Variants in OXCT1 observed in about 807,000 individuals in gnomAD.
OXCT1 encodes the protein succinyl-CoA:3-ketoacid coenzyme A transferase 1, mitochondrial.
A neutral mutation model predicts 69.6 loss-of-function variants in OXCT1; 27 were observed. The ratio of observed to expected loss-of-function variants is 0.39; its 90% CI spans 0.29 to 0.54. OXCT1 has a LOEUF of 0.54. Among genes scored for constraint, OXCT1 ranks in the 20% least tolerant of loss-of-function variants. The pLI is 0.72. For missense variants in OXCT1, 437 were observed against 650.2 expected (o/e 0.67, Z 3.57); for synonymous variants, 202 against 217.8 (o/e 0.93, Z 0.64).
At chr5:41,760,208 T>C (rs904225365) in intron 14 of OXCT1, among the ~76,000 whole-genome samples, 4 of 152,036 alleles carry the variant, frequency 2.6e-5, no homozygotes, top group African/African-American at 9.7e-5. Context: ...ACAAGTAAAA[T>C]GTGTGAGAAG....
intron 14 of OXCT1, among the ~76,000 whole-genome samples, chr5:41,752,862 C>T (rs1294525997): frequency 1.3e-5 from 2 of 152,106 alleles, no homozygotes. Context: ...TTCTTTCCTG[C>T]ATCAGCTTCC....
chr5:41,794,159 C>T (rs1269529691), intron 12 of OXCT1, 81 bp from the exon 13 acceptor site: 3 of 933,498 alleles, frequency 3.2e-6, no homozygotes, highest in Non-Finnish European at 5.4e-6. Context: ...ATTAGAATAA[C>T]TTCATACCAC....
chr5:41,739,412 T>G lies in OXCT1; in HGVS notation c.1499A>C (p.Lys500Thr). 4 of 1,612,424 alleles carry G rather than the reference T, an allele frequency of 2.5e-6. No homozygotes were observed. The highest frequency in any genetic ancestry group is 3.4e-6 in the Non-Finnish European group (4 of 1,178,400). ...WEGLTVDDVQ[K>T]STGCDFAVSP... ...TACTGCAAAATCACACCCAGTACTC[T>G]TCTGTACGTCATCCACTGTCAGGCC... Residue 500 changes from lysine to threonine, a missense_variant, in exon 16 of 17, where the codon AAG (lysine) becomes ACG (threonine). Lys to Thr is a moderately conservative substitution (Grantham distance 78). Coordinates refer to ENST00000196371, the MANE Select transcript of OXCT1 (RefSeq NM_000436.4).
intron 13 of OXCT1, among the ~76,000 whole-genome samples, chr5:41,775,234 G>C (rs2112155358): frequency 6.6e-6 from 1 of 152,130 alleles, no homozygotes; most frequent in East Asian, 1.9e-4. Flanking sequence ...TTACAAAACT[G>C]CTCCCCATTT....
At chr5:41,850,204 A>C in intron 4 of OXCT1, 25 bp from the exon 5 acceptor site, 1 of 1,612,510 alleles carries the variant, frequency 6.2e-7, no homozygotes, top group East Asian at 2.2e-5. Flanking sequence ...CCAACACCCC[A>C]TAAGTTCACT....
intron 13 of OXCT1, among the ~76,000 whole-genome samples, chr5:41,766,476 C>A (rs908229042): frequency 6.7e-6 from 1 of 150,328 alleles, no homozygotes; most frequent in Non-Finnish European, 1.5e-5. Context: ...TTTCCTAATA[C>A]TAGAATTTTA....
At chr5:41,810,448 A>G (rs966327717) in intron 7 of OXCT1, among the ~76,000 whole-genome samples, 3 of 152,088 alleles carry the variant, frequency 2.0e-5, no homozygotes, top group Admixed American at 2.0e-4. Context: ...AGAGGTAGCT[A>G]AGAACAACCC....
chr5:41,821,402 C>A (rs1258732499), intron 7 of OXCT1, among the ~76,000 whole-genome samples: 6 of 152,198 alleles, frequency 3.9e-5, no homozygotes, highest in Admixed American at 1.3e-4. Flanking sequence ...ACATATTCTA[C>A]ATGGAAACAA....
intron 1 of OXCT1, among the ~76,000 whole-genome samples, chr5:41,864,594 C>T (rs1011168394): frequency 1.1e-4 from 17 of 152,212 alleles, no homozygotes; most frequent in Admixed American, 6.5e-5. Flanking sequence ...CTCCTAGACA[C>T]ACTTAAAAAG....
intron 1 of OXCT1, among the ~76,000 whole-genome samples, chr5:41,869,674 G>A (rs1331727055): frequency 6.6e-6 from 1 of 152,202 alleles, no homozygotes; most frequent in East Asian, 1.9e-4. Context: ...TGGCCGGCAA[G>A]ACGCCCTGGC....
intron 7 of OXCT1, among the ~76,000 whole-genome samples, chr5:41,820,649 G>T (rs548651265): frequency 1.1e-4 from 16 of 152,278 alleles, no homozygotes; most frequent in Non-Finnish European, 1.8e-4. Flanking sequence ...GGTATGGACA[G>T]TAATTAAAGA....
chr5:41,806,662 T>C (rs926199697), intron 8 of OXCT1, among the ~76,000 whole-genome samples: 3 of 152,122 alleles, frequency 2.0e-5, no homozygotes, highest in Admixed American at 2.0e-4. Flanking sequence ...CTTTTCCTTC[T>C]GCTCTGAGTA....
chr5:41,791,744 G>A (rs899874223), intron 13 of OXCT1, among the ~76,000 whole-genome samples: 2 of 152,046 alleles, frequency 1.3e-5, no homozygotes, highest in Non-Finnish European at 2.9e-5. Flanking sequence ...TTTGTTCATA[G>A]GACCCAATGC....
intron 15 of OXCT1, among the ~76,000 whole-genome samples, chr5:41,747,148 C>G (rs1743534123): frequency 6.6e-6 from 1 of 151,952 alleles, no homozygotes; most frequent in Non-Finnish European, 1.5e-5. Context: ...CTTATAAGAC[C>G]CACAGTTCTT....
chr5:41,798,145 C>T (rs1003887806), intron 11 of OXCT1, among the ~76,000 whole-genome samples: 1 of 152,028 alleles, frequency 6.6e-6, no homozygotes, highest in Non-Finnish European at 1.5e-5. Flanking sequence ...GAAAGACACA[C>T]CAAGAGCAAA....
intron 13 of OXCT1, among the ~76,000 whole-genome samples, chr5:41,780,688 G>C (rs1430993457): frequency 6.6e-6 from 1 of 152,080 alleles, no homozygotes; most frequent in African/African-American, 2.4e-5. Flanking sequence ...ATTAGCAATA[G>C]ACATTTGGAA....
intron 3 of OXCT1, among the ~76,000 whole-genome samples, chr5:41,855,351 T>C (rs188121353): frequency 8.5e-5 from 13 of 152,320 alleles, no homozygotes; most frequent in Admixed American, 7.2e-4. Flanking sequence ...ATTGATGACA[T>C]GGGTGTGCAG....
intron 13 of OXCT1, among the ~76,000 whole-genome samples, chr5:41,765,111 C>T (rs1744533984): frequency 6.6e-6 from 1 of 152,150 alleles, no homozygotes; most frequent in Admixed American, 6.6e-5. Flanking sequence ...GGCATACTCC[C>T]TGACATAAGC....
At position 41,750,865 on chromosome 5, in the gene OXCT1, T is replaced by A. The variant is rs192819063; in HGVS notation, c.1339-1258A>T. Among the ~76,000 whole-genome samples the A allele has an allele frequency of 3.3e-5, 5 of 152,206 alleles. No individual in the cohort carries two copies. The South Asian group carries it at 1.0e-3, about 32-fold the overall frequency. On this transcript the variant is annotated intron_variant, in intron 14 of 16. Coordinates refer to ENST00000196371, the MANE Select transcript of OXCT1 (RefSeq NM_000436.4). ...TCAGTAGTTTTTGAATAAAGGCATG[T>A]AAGAATGAATGGGAAGAGAAACAGA...
Sources: allele counts gnomAD v4.1 joint callset (sites outside exome capture counted in the v4.1 genomes callset), GRCh38; gene constraint gnomAD v4.1.1; transcripts MANE v1.5; gene names NCBI Gene and HGNC (gene_info 2026-07-23, HGNC 2026-07-21).